The following PTPRQ variants were observed in gnomAD, a reference collection of about 807,000 sequenced individuals.
PTPRQ encodes the protein phosphatidylinositol phosphatase PTPRQ.
A neutral mutation model predicts 246.0 loss-of-function variants in PTPRQ; 199 were observed. The ratio of observed to expected loss-of-function variants is 0.81; its 90% CI spans 0.72 to 0.91. The LOEUF is 0.91. PTPRQ is among the 40% of genes least tolerant of loss of function. The probability of loss-of-function intolerance (pLI) is 0.00; values close to 1 mark genes in which losing one functional copy is unlikely to be tolerated. For missense variants in PTPRQ, 2,624 were observed against 2,528.4 expected (o/e 1.04, Z -0.81); for synonymous variants, 869 against 853.2 (o/e 1.02, Z -0.32).
intron 17 of PTPRQ, among the ~76,000 whole-genome samples, chr12:80,527,311 A>G (rs978827825): frequency 1.3e-5 from 2 of 152,108 alleles, no homozygotes; most frequent in African/African-American, 4.8e-5. Context: ...TTTAATTTAC[A>G]CCAAAGTTAT....
chr12:80,495,085 C>A lies in PTPRQ; in HGVS notation c.1693C>A (p.Arg565Ser), dbSNP rs149658681. Residue 565 changes from arginine (R) to serine (S), a missense_variant, in exon 11 of 45, where the codon CGT becomes AGT. Physicochemically the swap from Arg to Ser is moderately radical, Grantham distance 110 (BLOSUM62 -1). Transcript: ENST00000644991. The part of the protein sequence containing the change: ...GPPTVLSVRT[R>S]QQVPSSIKII... ...ACCAACAGTTCTCAGTGTTAGGACA[C>A]GTCAGCAAGGTAAGGATGTATTTCC... 7 of 1,550,368 alleles carry A rather than the reference C, an allele frequency of 4.5e-6. No homozygotes were observed. The highest frequency in any genetic ancestry group is 5.2e-6 in the Non-Finnish European group (6 of 1,146,164).
intron 8 of PTPRQ, among the ~76,000 whole-genome samples, chr12:80,477,020 T>C (rs1174181536): frequency 6.6e-6 from 1 of 152,182 alleles, no homozygotes; most frequent in Non-Finnish European, 1.5e-5. Flanking sequence ...GCCCAGGGGA[T>C]ATTTGTTTTT....
chr12:80,449,844 G>C (rs1685881593), intron 3 of PTPRQ, among the ~76,000 whole-genome samples: 1 of 152,154 alleles, frequency 6.6e-6, no homozygotes, highest in African/African-American at 2.4e-5. Flanking sequence ...GCTTAGGATT[G>C]ACTTGGCGAT....
At chr12:80,489,677 T>C (rs1286776013) in intron 9 of PTPRQ, among the ~76,000 whole-genome samples, 1 of 151,946 alleles carries the variant, frequency 6.6e-6, no homozygotes, top group Non-Finnish European at 1.5e-5. Context: ...TTGAGCATAA[T>C]TATTTTCTCC....
At position 80,670,414 on chromosome 12, in the gene PTPRQ, G is replaced by C; in HGVS notation, c.6524G>C (p.Ser2175Thr). Reference protein sequence around the residue: ...AWPEHGVPENSAPLIHFVKLV... With the variant: ...AWPEHGVPENTAPLIHFVKLV... ...CCAGAGCATGGGGTTCCTGAGAACA[G>C]CGCCCCTCTAATTCACTTTGTGAAG... is the stretch of plus-strand genomic sequence containing the variant. The change falls in exon 42 of 45, where the codon AGC becomes ACC. Residue 2175 changes from serine to threonine, a missense_variant. Transcript: ENST00000644991. The C allele has an allele frequency of 6.4e-7, 1 of 1,551,192 alleles. No individual in the cohort carries two copies. The highest frequency in any genetic ancestry group is 8.7e-7 in the Non-Finnish European group (1 of 1,146,630).
chr12:80,561,786 T>C (rs1425863230), intron 25 of PTPRQ, among the ~76,000 whole-genome samples: 1 of 152,114 alleles, frequency 6.6e-6, no homozygotes, highest in Non-Finnish European at 1.5e-5. Context: ...GTTTTTTCTG[T>C]CTTACTGCAC....
intron 5 of PTPRQ, among the ~76,000 whole-genome samples, chr12:80,459,886 C>G (rs1893098655): frequency 6.6e-6 from 1 of 152,094 alleles, no homozygotes; most frequent in Non-Finnish European, 1.5e-5. Flanking sequence ...AAATATTTTA[C>G]TTCCATATGA....
chr12:80,653,852 A>G (rs886408254), intron 38 of PTPRQ, among the ~76,000 whole-genome samples: 3 of 152,208 alleles, frequency 2.0e-5, no homozygotes, highest in African/African-American at 7.2e-5. Flanking sequence ...AATCTACTAG[A>G]ACCTGTTAAT....
chr12:80,527,874 G>T (rs556503399), intron 17 of PTPRQ, among the ~76,000 whole-genome samples: 1 of 152,258 alleles, frequency 6.6e-6, no homozygotes, highest in African/African-American at 2.4e-5. Context: ...TGGGCAGATG[G>T]CTTGAACCCA....
chr12:80,458,745 T>C (rs1893054945), intron 4 of PTPRQ, among the ~76,000 whole-genome samples: 1 of 152,024 alleles, frequency 6.6e-6, no homozygotes, highest in Non-Finnish European at 1.5e-5. Context: ...ATTATTATTA[T>C]TACTCTATAT....
At chr12:80,550,363 G>A (rs956280650) in intron 25 of PTPRQ, among the ~76,000 whole-genome samples, 6 of 152,000 alleles carry the variant, frequency 3.9e-5, no homozygotes, top group Admixed American at 6.6e-5. Flanking sequence ...GTAGATATTG[G>A]CAATAATTGT....
intron 26 of PTPRQ, among the ~76,000 whole-genome samples, chr12:80,603,186 C>G (rs766142593): frequency 8.6e-5 from 13 of 151,626 alleles, no homozygotes; most frequent in Admixed American, 5.3e-4. Flanking sequence ...TATAGTGACT[C>G]TAGGTTTCAT....
intron 39 of PTPRQ, among the ~76,000 whole-genome samples, chr12:80,663,017 A>G (rs1275304660): frequency 1.3e-5 from 2 of 152,050 alleles, no homozygotes; most frequent in African/African-American, 4.8e-5. Flanking sequence ...CTGGTGCTTT[A>G]CCATTTTCTG....
chr12:80,635,827 A>G (rs1288629940), intron 35 of PTPRQ, among the ~76,000 whole-genome samples: 2 of 152,198 alleles, frequency 1.3e-5, no homozygotes, highest in Non-Finnish European at 2.9e-5. Context: ...ATAAGATTCA[A>G]TAACATGTAA....
At chr12:80,607,764 A>T (rs779865229) in intron 27 of PTPRQ, among the ~76,000 whole-genome samples, 5 of 150,876 alleles carry the variant, frequency 3.3e-5, no homozygotes, top group Non-Finnish European at 7.4e-5. Flanking sequence ...AAAATTGTCA[A>T]TCTTAATAAA....
At chr12:80,478,998 A>T (rs995079499) in intron 8 of PTPRQ, among the ~76,000 whole-genome samples, 1 of 151,978 alleles carries the variant, frequency 6.6e-6, no homozygotes, top group East Asian at 1.9e-4. Context: ...AAGGCAGGCC[A>T]ACGTTCAGAT....
At chr12:80,498,017 A>G (rs1894681365) in intron 14 of PTPRQ, among the ~76,000 whole-genome samples, 1 of 152,102 alleles carries the variant, frequency 6.6e-6, no homozygotes, top group Non-Finnish European at 1.5e-5. Flanking sequence ...GATACAAAAG[A>G]GCCCATAGAT....
intron 25 of PTPRQ, among the ~76,000 whole-genome samples, chr12:80,558,667 A>G (rs1896734517): frequency 6.6e-6 from 1 of 152,064 alleles, no homozygotes; most frequent in Admixed American, 6.6e-5. Context: ...GCTGAGTCAT[A>G]TGGTAGTTGC....
chr12:80,494,871 A>C (rs1237207801), intron 10 of PTPRQ, 62 bp from the exon 11 acceptor site: 2 of 1,472,292 alleles, frequency 1.4e-6, no homozygotes, highest in East Asian at 2.5e-5. Context: ...CTAAGAAAAA[A>C]ATAATTTTGA....
Sources: gnomAD v4.1 joint callset for allele counts (sites outside exome capture counted in the v4.1 genomes callset) on GRCh38, gnomAD v4.1.1 for gene constraint, MANE v1.5 for transcripts, NCBI Gene and HGNC (gene_info 2026-07-23, HGNC 2026-07-21) for gene names.